The following LRMDA variants were observed in gnomAD, a reference collection of about 807,000 sequenced individuals.
LRMDA encodes the protein leucine rich melanocyte differentiation associated, also known as leucine-rich melanocyte differentiation-associated protein.
In LRMDA, 18 loss-of-function variants were observed where a neutral mutation model predicts 29.8. The ratio of observed to expected loss-of-function variants is 0.60; its 90% CI spans 0.42 to 0.90. LRMDA has a LOEUF of 0.90. Among genes scored for constraint, LRMDA ranks in the 40% least tolerant of loss-of-function variants. The pLI, the probability that LRMDA is intolerant of heterozygous loss-of-function variation, is 0.00. For synonymous variants in LRMDA, 125 were observed against 109.4 expected, an observed-to-expected ratio of 1.14 and a Z score of -0.89; for missense variants, 273 against 273.9, an observed-to-expected ratio of 1.00 and a Z score of 0.02.
chr10:75,484,636 A>T lies in LRMDA; in HGVS notation c.131+46142A>T, dbSNP rs1844890867. ...TTGGAGATGAGGCCTTTAGGAAGGT[A>T]ATTAAGGTTAAATGAGGTCACAAGG... On this transcript the variant is annotated intron_variant, in intron 2 of 6. Transcript: ENST00000611255. Among the ~76,000 whole-genome samples, 3 of 152,298 alleles carry T rather than the reference A, an allele frequency of 2.0e-5. No homozygotes were observed. The South Asian group carries it at 6.2e-4, about 32-fold the overall frequency.
At chr10:76,351,862 A>G (rs7920287) in intron 6 of LRMDA, among the ~76,000 whole-genome samples, 16,452 of 152,134 alleles carry the variant, frequency 0.11, 1,033 homozygotes, top group East Asian at 0.32. Flanking sequence ...GCGCTATGTA[A>G]GAAGTGTTGG....
intron 6 of LRMDA, among the ~76,000 whole-genome samples, chr10:76,493,290 G>A (rs992755833): frequency 6.6e-6 from 1 of 151,864 alleles, no homozygotes; most frequent in Non-Finnish European, 1.5e-5. Context: ...ATTACCACAG[G>A]CCCATGAGGA....
intron 2 of LRMDA, among the ~76,000 whole-genome samples, chr10:75,891,309 A>G (rs1344674027): frequency 2.0e-5 from 3 of 152,184 alleles, no homozygotes; most frequent in Non-Finnish European, 4.4e-5. Context: ...TAGTCCATAG[A>G]CCTGCAGCAT....
At chr10:75,466,136 G>A (rs1844647241) in intron 2 of LRMDA, among the ~76,000 whole-genome samples, 1 of 152,218 alleles carries the variant, frequency 6.6e-6, no homozygotes, top group Non-Finnish European at 1.5e-5. Flanking sequence ...TGAATTGTGG[G>A]TGCTTGCCTG....
chr10:75,730,990 T>C (rs1842689803), intron 2 of LRMDA, among the ~76,000 whole-genome samples: 1 of 152,194 alleles, frequency 6.6e-6, no homozygotes, highest in Admixed American at 6.5e-5. Flanking sequence ...GCTGCCAGCT[T>C]CTGAAGTAAT....
chr10:75,998,347 CA>C (rs1847507421), intron 2 of LRMDA, among the ~76,000 whole-genome samples: 1 of 152,150 alleles, frequency 6.6e-6, no homozygotes, highest in Non-Finnish European at 1.5e-5. Context: ...ACGCAGTGGG[CA>C]CCTAATAAGT....
At chr10:75,745,826 C>T (rs773628243) in intron 2 of LRMDA, among the ~76,000 whole-genome samples, 17 of 151,982 alleles carry the variant, frequency 1.1e-4, no homozygotes, top group South Asian at 2.1e-4. Context: ...TTTGTTTTTT[C>T]GTGATGACCT....
intron 5 of LRMDA, among the ~76,000 whole-genome samples, chr10:76,238,455 A>G (rs1441663552): frequency 6.6e-6 from 1 of 151,954 alleles, no homozygotes; most frequent in East Asian, 1.9e-4. Context: ...TTGCCCTTAC[A>G]TTGAAGGAAT....
chr10:75,657,530 T>C (rs1841692714), intron 2 of LRMDA, among the ~76,000 whole-genome samples: 1 of 152,216 alleles, frequency 6.6e-6, no homozygotes, highest in South Asian at 2.1e-4. Context: ...TTCAAATCCC[T>C]GATCCCTCAC....
At chr10:75,903,880 G>T (rs1429419101) in intron 2 of LRMDA, among the ~76,000 whole-genome samples, 1 of 152,210 alleles carries the variant, frequency 6.6e-6, no homozygotes, top group Admixed American at 6.5e-5. Context: ...TCTCTTCAGG[G>T]ATGTTGCTTA....
intron 5 of LRMDA, among the ~76,000 whole-genome samples, chr10:76,255,697 G>A (rs1048946822): frequency 1.3e-5 from 2 of 152,306 alleles, no homozygotes; most frequent in African/African-American, 2.4e-5. Context: ...GCAGCATGGA[G>A]CAAAATAGAT....
intron 2 of LRMDA, among the ~76,000 whole-genome samples, chr10:76,009,789 CCGAGT>C (rs1371661362): frequency 6.6e-6 from 1 of 152,130 alleles, no homozygotes; most frequent in Non-Finnish European, 1.5e-5. Context: ...ACTTCAGCTG[CCGAGT>C]CATCAGTCCT....
chr10:75,734,891 T>G (rs906125233), intron 2 of LRMDA, among the ~76,000 whole-genome samples: 1 of 152,234 alleles, frequency 6.6e-6, no homozygotes, highest in African/African-American at 2.4e-5. Context: ...AGGCCCACCC[T>G]GGTTGCTCGA....
intron 2 of LRMDA, among the ~76,000 whole-genome samples, chr10:75,440,694 ATCAACAT>A (rs1844316174): frequency 6.6e-6 from 1 of 152,188 alleles, no homozygotes; most frequent in African/African-American, 2.4e-5. Flanking sequence ...CTTCAGCTGA[ATCAACAT>A]CTAAGATGTT....
At chr10:76,119,666 G>A (rs575466115) in intron 5 of LRMDA, among the ~76,000 whole-genome samples, 2 of 152,208 alleles carry the variant, frequency 1.3e-5, no homozygotes, top group African/African-American at 2.4e-5. Context: ...TCTAGAGGCT[G>A]ATTCCCCCCA....
chr10:75,972,493 A>C lies in LRMDA; in HGVS notation c.132-63515A>C, dbSNP rs534756356. 6.6e-5 allele frequency among the ~76,000 whole-genome samples: 10 copies of C among 152,274 alleles called. No homozygotes were observed. The South Asian group carries it at 2.1e-3, about 32-fold the overall frequency. On this transcript the variant is annotated intron_variant, in intron 2 of 6. Transcript: ENST00000611255. ...CTGAAGCGTTTTTGAAAAACAATACAAAAAACCTCTCTCTGCAACTGTGAC... is the reference window on the plus strand; with the variant it reads ...CTGAAGCGTTTTTGAAAAACAATACCAAAAACCTCTCTCTGCAACTGTGAC...
At chr10:76,005,927 T>TTAAA (rs10590818) in intron 2 of LRMDA, among the ~76,000 whole-genome samples, 5,580 of 148,484 alleles carry the variant, frequency 0.038, 229 homozygotes, top group African/African-American at 0.099. Flanking sequence ...AGACTCCATC[T>TTAAA]TAAATAAATA....
At chr10:76,251,011 C>T (rs1228174662) in intron 5 of LRMDA, among the ~76,000 whole-genome samples, 2 of 152,108 alleles carry the variant, frequency 1.3e-5, no homozygotes, top group Admixed American at 1.3e-4. Context: ...GATGGCAGCT[C>T]ACAAAACTAC....
chr10:76,123,874 C>A lies in LRMDA; in HGVS notation c.516+65091C>A, dbSNP rs554530900. ...TGTTAGGGGATGCGGCAAATATTTG[C>A]AGAATGAATTAATAACTGGTTGAAG... On this transcript the variant is annotated intron_variant, in intron 5 of 6. Coordinates refer to ENST00000611255, the MANE Select transcript of LRMDA (RefSeq NM_001305581.2). 2.6e-5 allele frequency among the ~76,000 whole-genome samples: 4 copies of A among 152,298 alleles called. No individual in the cohort carries two copies. In the South Asian group the frequency reaches 8.3e-4, roughly 32 times the overall value.
Sources: allele counts gnomAD v4.1 joint callset (sites outside exome capture counted in the v4.1 genomes callset), GRCh38; gene constraint gnomAD v4.1.1; transcripts MANE v1.5; gene names NCBI Gene and HGNC (gene_info 2026-07-23, HGNC 2026-07-21).